Variants in PLA2G4A observed in about 807,000 individuals in gnomAD.
The protein encoded by PLA2G4A is cytosolic phospholipase A2.
PLA2G4A carries 40 observed loss-of-function variants against 81.9 expected under a neutral mutation model. The observed-to-expected ratio is 0.49, with a 90% CI of 0.38 to 0.64. PLA2G4A has a LOEUF of 0.64. PLA2G4A is among the 30% of genes least tolerant of loss of function. PLA2G4A has a pLI of 0.00. For missense variants in PLA2G4A, 715 were observed against 905.1 expected, an observed-to-expected ratio of 0.79 and a Z score of 2.69; for synonymous variants, 302 against 296.9, an observed-to-expected ratio of 1.02 and a Z score of -0.18.
intron 14 of PLA2G4A, among the ~76,000 whole-genome samples, chr1:186,962,118 C>CT (rs11406614): frequency 0.95 from 143,090 of 150,726 alleles, 67,943 homozygotes; most frequent in East Asian, 1. Flanking sequence ...TTCAAGTAAC[C>CT]TTTTTTTTTC....
intron 7 of PLA2G4A, among the ~76,000 whole-genome samples, chr1:186,916,990 C>G (rs1655160024): frequency 6.6e-6 from 1 of 152,148 alleles, no homozygotes; most frequent in Admixed American, 6.5e-5. Flanking sequence ...TCGTCCTCCT[C>G]AGAGTCACTT....
At chr1:186,950,558 TCTCA>T in intron 12 of PLA2G4A, 95 bp from the exon 13 acceptor site, 1 of 693,016 alleles carries the variant, frequency 1.4e-6, no homozygotes, top group East Asian at 2.8e-5. Context: ...AGCTAGTAGA[TCTCA>T]CTCTGTGGTT....
intron 15 of PLA2G4A, among the ~76,000 whole-genome samples, chr1:186,966,757 T>A (rs1473249218): frequency 1.3e-5 from 2 of 152,190 alleles, no homozygotes; most frequent in Non-Finnish European, 2.9e-5. Flanking sequence ...GACTTCCACA[T>A]ATATGGTTAA....
At chr1:186,980,412 A>C (rs1246818698) in intron 17 of PLA2G4A, among the ~76,000 whole-genome samples, 3 of 152,196 alleles carry the variant, frequency 2.0e-5, no homozygotes, top group African/African-American at 7.2e-5. Context: ...CTGTAACTGA[A>C]ATCATTGACT....
intron 1 of PLA2G4A, among the ~76,000 whole-genome samples, chr1:186,831,143 A>G (rs992188420): frequency 1.3e-5 from 2 of 151,938 alleles, no homozygotes; most frequent in Non-Finnish European, 2.9e-5. Flanking sequence ...ACATTATGCC[A>G]TTCCAACACA....
At chr1:186,973,778 A>G (rs989689039) in intron 15 of PLA2G4A, among the ~76,000 whole-genome samples, 1 of 152,188 alleles carries the variant, frequency 6.6e-6, no homozygotes, top group African/African-American at 2.4e-5. Flanking sequence ...TTTTATTAAA[A>G]GTAAGAGAGA....
At chr1:186,905,700 A>ACT (rs1654708936) in intron 5 of PLA2G4A, among the ~76,000 whole-genome samples, 1 of 149,482 alleles carries the variant, frequency 6.7e-6, no homozygotes, top group East Asian at 2.0e-4. Flanking sequence ...CCTCCTCCTC[A>ACT]CACACACACA....
At chr1:186,866,497 G>A (rs1442579745) in intron 2 of PLA2G4A, among the ~76,000 whole-genome samples, 2 of 151,962 alleles carry the variant, frequency 1.3e-5, no homozygotes, top group Non-Finnish European at 2.9e-5. Context: ...AGGGTTGTTT[G>A]GAATATTAAA....
intron 3 of PLA2G4A, among the ~76,000 whole-genome samples, chr1:186,891,647 T>C (rs1313864164): frequency 6.6e-6 from 1 of 152,254 alleles, no homozygotes; most frequent in Non-Finnish European, 1.5e-5. Context: ...TCTTTATGGC[T>C]GAGTAACACT....
intron 1 of PLA2G4A, among the ~76,000 whole-genome samples, chr1:186,849,574 G>A (rs56721086): frequency 0.011 from 1,696 of 152,042 alleles, 20 homozygotes; most frequent in African/African-American, 0.039. Context: ...CTCACCATTC[G>A]CCAGCCACTT....
chr1:186,953,098 G>A (rs985511195), intron 13 of PLA2G4A, among the ~76,000 whole-genome samples: 1 of 152,146 alleles, frequency 6.6e-6, no homozygotes, highest in African/African-American at 2.4e-5. Context: ...ACAATTGCTG[G>A]ATCATATGGT....
At chr1:186,843,861 C>T (rs1465327760) in intron 1 of PLA2G4A, among the ~76,000 whole-genome samples, 1 of 152,196 alleles carries the variant, frequency 6.6e-6, no homozygotes, top group Non-Finnish European at 1.5e-5. Flanking sequence ...GCCGTTTCTA[C>T]TTTAAACCAC....
At chr1:186,845,929 A>G (rs1331962204) in intron 1 of PLA2G4A, among the ~76,000 whole-genome samples, 1 of 152,218 alleles carries the variant, frequency 6.6e-6, no homozygotes, top group Non-Finnish European at 1.5e-5. Flanking sequence ...AAGGAAAAAA[A>G]GAAAGGAAGA....
Position 186,932,817 on chromosome 1 carries a change from T to A in PLA2G4A, c.613T>A (p.Phe205Ile), listed in dbSNP as rs149460749. 37 of 1,613,352 alleles carry A rather than the reference T, an allele frequency of 2.3e-5. No individual in the cohort carries two copies. The highest frequency in any genetic ancestry group is 3.1e-5 in the Non-Finnish European group (36 of 1,179,404). Residue 205 changes from phenylalanine (F) to isoleucine (I), a missense_variant, in exon 8 of 18, where the codon TTC (phenylalanine) becomes ATC (isoleucine). Phe to Ile is a conservative substitution (Grantham distance 21). Transcript: ENST00000367466. ...SGGGFRAMVG[F>I]SGVMKALYES... ...TGGGGGTTTCCGAGCCATGGTGGGA[T>A]TCTCTGGTGTGATGAAGGCATTATA...
intron 7 of PLA2G4A, among the ~76,000 whole-genome samples, chr1:186,919,492 G>A (rs958314921): frequency 6.6e-5 from 10 of 152,158 alleles, no homozygotes; most frequent in Non-Finnish European, 1.5e-4. Context: ...GCCGTGGAGT[G>A]TCCCAGCAGA....
chr1:186,921,288 C>T (rs185624831), intron 7 of PLA2G4A, among the ~76,000 whole-genome samples: 1 of 152,288 alleles, frequency 6.6e-6, no homozygotes, highest in African/African-American at 2.4e-5. Context: ...GCACCCTTTG[C>T]CTTTCATCTG....
intron 1 of PLA2G4A, among the ~76,000 whole-genome samples, chr1:186,841,442 G>T (rs1651978225): frequency 6.6e-6 from 1 of 152,160 alleles, no homozygotes; most frequent in Admixed American, 6.5e-5. Flanking sequence ...GGGGCAGGGT[G>T]GGGCAGGGAG....
intron 1 of PLA2G4A, among the ~76,000 whole-genome samples, chr1:186,830,906 T>A (rs1201296438): frequency 6.6e-6 from 1 of 152,072 alleles, no homozygotes; most frequent in Non-Finnish European, 1.5e-5. Flanking sequence ...TTACCATCAG[T>A]TTTTTCCTCC....
intron 7 of PLA2G4A, among the ~76,000 whole-genome samples, chr1:186,920,349 C>A (rs1383552742): frequency 6.6e-6 from 1 of 152,172 alleles, no homozygotes; most frequent in Non-Finnish European, 1.5e-5. Flanking sequence ...CCGAGCAGGT[C>A]CGTGGTAGGC....
Sources: gnomAD v4.1 joint callset for allele counts (sites outside exome capture counted in the v4.1 genomes callset) on GRCh38, gnomAD v4.1.1 for gene constraint, MANE v1.5 for transcripts, NCBI Gene and HGNC (gene_info 2026-07-23, HGNC 2026-07-21) for gene names.